Variants in SCHIP1 observed in about 807,000 individuals in gnomAD.
SCHIP1 encodes schwannomin interacting protein 1, also known as schwannomin-interacting protein 1.
SCHIP1 carries 8 observed loss-of-function variants against 29.7 expected under a neutral mutation model. That is an observed-to-expected ratio of 0.27 (90% CI 0.16 to 0.49). The LOEUF (loss-of-function observed/expected upper bound fraction) is 0.49, where lower values mean the gene tolerates loss of function less well. Ranked by LOEUF, SCHIP1 falls within the 20% of genes least tolerant of loss-of-function variation. The pLI, the probability that SCHIP1 is intolerant of heterozygous loss-of-function variation, is 0.99. For missense variants in SCHIP1, 193 were observed against 294.6 expected (o/e 0.66, Z 2.52); for synonymous variants, 76 against 94.9 (o/e 0.80, Z 1.16).
chr3:159,331,017 C>T, the SCHIP1 span, among the ~76,000 whole-genome samples: 2 of 152,178 alleles, frequency 1.3e-5, 1 homozygote, highest in African/African-American at 4.8e-5. Context: ...TGCTTCCATG[C>T]CTATTAGGTA....
the SCHIP1 span, among the ~76,000 whole-genome samples, chr3:159,762,338 A>C: frequency 6.6e-6 from 1 of 152,214 alleles, no homozygotes; most frequent in Non-Finnish European, 1.5e-5. Context: ...TCCCTGGCTC[A>C]GGTCTACCTA....
the SCHIP1 span, among the ~76,000 whole-genome samples, chr3:159,411,919 T>G: frequency 6.6e-6 from 1 of 152,282 alleles, no homozygotes; most frequent in South Asian, 2.1e-4. Flanking sequence ...AAGAAAAGCC[T>G]AGACTTGAAA....
the SCHIP1 span, chr3:159,765,234 G>C: frequency 1.5e-6 from 2 of 1,369,458 alleles, no homozygotes; most frequent in South Asian, 3.0e-5. Context: ...GCCCGCCCGC[G>C]GCCCCATTCA....
chr3:159,772,197 C>G, the SCHIP1 span, among the ~76,000 whole-genome samples: 1 of 152,208 alleles, frequency 6.6e-6, no homozygotes, highest in Admixed American at 6.5e-5. Context: ...GTCGCCCAGG[C>G]TGCAGTACAG....
At chr3:159,395,948 G>A in the SCHIP1 span, among the ~76,000 whole-genome samples, 1 of 152,030 alleles carries the variant, frequency 6.6e-6, no homozygotes. Context: ...TTAACGTGTG[G>A]GAGTCCAAGT....
At chr3:159,637,371 C>CCCCACACACACA in the SCHIP1 span, among the ~76,000 whole-genome samples, 1 of 134,576 alleles carries the variant, frequency 7.4e-6, no homozygotes, top group African/African-American at 2.7e-5. Flanking sequence ...CCGGCCCCAG[C>CCCCACACACACA]CACACACACA....
At chr3:159,445,299 G>T in the SCHIP1 span, among the ~76,000 whole-genome samples, 54 of 151,990 alleles carry the variant, frequency 3.6e-4, no homozygotes, top group African/African-American at 1.2e-3. Context: ...CTGGCCATCA[G>T]AGAAATGCAA....
intron 1 of SCHIP1, among the ~76,000 whole-genome samples, chr3:159,858,715 C>T (rs1195971773): frequency 6.6e-6 from 1 of 152,206 alleles, no homozygotes; most frequent in Non-Finnish European, 1.5e-5. Context: ...AAATAGGTGT[C>T]AGAAGACACA....
At chr3:159,296,982 A>G in the SCHIP1 span, among the ~76,000 whole-genome samples, 3 of 151,844 alleles carry the variant, frequency 2.0e-5, no homozygotes, top group Admixed American at 6.6e-5. Flanking sequence ...TATGGGTTTG[A>G]TTTTTTTAGA....
At chr3:159,570,807 C>T in the SCHIP1 span, among the ~76,000 whole-genome samples, 1 of 152,086 alleles carries the variant, frequency 6.6e-6, no homozygotes, top group Non-Finnish European at 1.5e-5. Context: ...TATTTGTATC[C>T]TCTTTTATTT....
chr3:159,542,498 T>A, the SCHIP1 span, among the ~76,000 whole-genome samples: 1 of 152,104 alleles, frequency 6.6e-6, no homozygotes, highest in African/African-American at 2.4e-5. Flanking sequence ...GCCCTTTCAC[T>A]GAGCATAATC....
At chr3:159,630,296 C>T in the SCHIP1 span, among the ~76,000 whole-genome samples, 1 of 152,048 alleles carries the variant, frequency 6.6e-6, no homozygotes, top group African/African-American at 2.4e-5. Context: ...ATGACCTCAT[C>T]TACAGAATTT....
chr3:159,892,144 C>T, exon 6 of SCHIP1: 1 of 1,614,140 alleles, frequency 6.2e-7, no homozygotes, highest in Non-Finnish European at 8.5e-7. Flanking sequence ...AGATGAGCTG[C>T]ACACAGAGCA....
the SCHIP1 span, among the ~76,000 whole-genome samples, chr3:159,388,912 T>A: frequency 6.6e-6 from 1 of 152,232 alleles, no homozygotes; most frequent in East Asian, 1.9e-4. Context: ...AAATTCCAGA[T>A]GGCCTAACAA....
chr3:159,768,815 C>T, the SCHIP1 span, among the ~76,000 whole-genome samples: 1 of 152,182 alleles, frequency 6.6e-6, no homozygotes, highest in Non-Finnish European at 1.5e-5. Context: ...GCCATATCCC[C>T]AGTAGTTCGC....
chr3:159,567,275 C>G, the SCHIP1 span, among the ~76,000 whole-genome samples: 3 of 152,140 alleles, frequency 2.0e-5, no homozygotes, highest in African/African-American at 7.2e-5. Flanking sequence ...ATTCTTCAAG[C>G]TTGTGACTTG....
At chr3:159,674,453 T>A in the SCHIP1 span, among the ~76,000 whole-genome samples, 1 of 151,940 alleles carries the variant, frequency 6.6e-6, no homozygotes, top group Non-Finnish European at 1.5e-5. Flanking sequence ...TGCTAGCATA[T>A]CCAGCAGGTG....
the SCHIP1 span, among the ~76,000 whole-genome samples, chr3:159,568,535 A>T: frequency 1.4e-4 from 21 of 152,240 alleles, 1 homozygote; most frequent in South Asian, 4.4e-3. Context: ...ATGCTCATAC[A>T]GTCTTACTTC....
the SCHIP1 span, among the ~76,000 whole-genome samples, chr3:159,275,641 C>T: frequency 6.6e-6 from 1 of 152,234 alleles, no homozygotes; most frequent in African/African-American, 2.4e-5. Context: ...CCAGCACACA[C>T]ATTTTTCTGT....
Sources: gnomAD v4.1 joint callset for allele counts (sites outside exome capture counted in the v4.1 genomes callset) on GRCh38, gnomAD v4.1.1 for gene constraint, MANE v1.5 for transcripts, NCBI Gene and HGNC (gene_info 2026-07-23, HGNC 2026-07-21) for gene names.